The following PEA15 variants were observed in gnomAD, a reference collection of about 807,000 sequenced individuals.
The protein encoded by PEA15 is proliferation and apoptosis adaptor protein 15.
For synonymous variants in PEA15, 60 were observed against 61.8 expected (o/e 0.97, Z 0.13); for missense variants, 77 against 161.3 (o/e 0.48, Z 2.83).
chr1:160,211,214 G>T, intron 1 of PEA15: 1 of 856,314 alleles, frequency 1.2e-6, no homozygotes, highest in African/African-American at 1.8e-5. Context: ...AGAAAGTCGG[G>T]AGCAGGTTGC....
At chr1:160,212,311 A>G in intron 2 of PEA15, among the ~76,000 whole-genome samples, 1 of 152,128 alleles carries the variant, frequency 6.6e-6, no homozygotes, top group South Asian at 2.1e-4. Context: ...ACTGTCACAG[A>G]GTATCTAGTG....
At position 160,205,928 on chromosome 1, in the gene PEA15, C is replaced by T. The variant is rs1654561702; in HGVS notation, c.-3+406C>T. On this transcript the variant is annotated intron_variant, in intron 1 of 3. Coordinates refer to ENST00000360472, the MANE Select transcript of PEA15 (RefSeq NM_003768.5). This position sits in a 1 kb window ranked among gnomAD's most constrained non-coding sequence, Gnocchi z 5.9. ...TCCGCGGGCGGCTGGTACCATGTGC[C>T]CTCACCCCCAGCTCACTGCACCTGG... is the stretch of plus-strand genomic sequence containing the variant. 1 of 152,260 alleles carries T rather than the reference C, an allele frequency of 6.6e-6. No homozygotes were observed. Among genetic ancestry groups the T allele is most frequent in the Admixed American group, 6.5e-5 (1 of 15,292 alleles). The allele number at this position is 152,260 out of a possible 1,614,324, so 9.4% of individuals were successfully genotyped here. A position where few individuals can be genotyped will look rare whatever the true frequency, so the allele number is the denominator to read the frequency against.
Position 160,213,874 on chromosome 1 carries a change from G to A in PEA15, c.*388G>A, listed in dbSNP as rs571386084. 4.1e-6 allele frequency: 1 copy of A among 242,394 alleles called. No homozygotes were observed. Among genetic ancestry groups the A allele is most frequent in the South Asian group, 5.9e-5 (1 of 16,966 alleles). 15.0% of individuals were successfully genotyped at this position (242,394 alleles called of 1,614,324 possible). A position where few individuals can be genotyped will look rare whatever the true frequency, so the allele number is the denominator to read the frequency against. ...TTTCCTACATTGAGGAGCTGACATAGGGGTAAGGTATGGGAGAGGTAGGTG... is the reference window on the plus strand; with the variant it reads ...TTTCCTACATTGAGGAGCTGACATAAGGGTAAGGTATGGGAGAGGTAGGTG... On this transcript the variant is annotated 3_prime_UTR_variant, in exon 4 of 4. Transcript: ENST00000360472. This position sits in a 1 kb window ranked among gnomAD's most constrained non-coding sequence, Gnocchi z 5.3.
chr1:160,212,264 G>C (rs999023566), intron 2 of PEA15, among the ~76,000 whole-genome samples: 2 of 151,972 alleles, frequency 1.3e-5, no homozygotes, highest in East Asian at 3.9e-4. Flanking sequence ...GGATTTCTAA[G>C]GCAAGATCCA....
At chr1:160,209,634 C>T (rs544321991) in intron 1 of PEA15, among the ~76,000 whole-genome samples, 1 of 152,200 alleles carries the variant, frequency 6.6e-6, no homozygotes, top group South Asian at 2.1e-4. Context: ...CCAATCCTGC[C>T]CCCTTTTCCA....
intron 1 of PEA15, 90 bp from the exon 2 acceptor site, chr1:160,211,453 G>C: frequency 7.0e-7 from 1 of 1,428,146 alleles, no homozygotes; most frequent in Non-Finnish European, 9.4e-7. Context: ...TGGTAGGGCA[G>C]AGTGGGGAGT....
Position 160,211,649 on chromosome 1 carries a change from G to C in PEA15, c.105G>C (p.Lys35Asn), listed in dbSNP as rs781623609. Residue 35 changes from lysine to asparagine, a missense_variant, in exon 2 of 4, where the codon AAG becomes AAC. By Grantham distance (94) the Lys-to-Asn change is moderately conservative. Transcript: ENST00000360472. ...GCAAGGAAGACATCCCCAGCGAAAA[G>C]AGTGAGGAGATCACTACTGGCAGTG... ...SACKEDIPSEKSEEITTGSAW... is the reference protein window; with the variant it reads ...SACKEDIPSENSEEITTGSAW... 6.2e-7 allele frequency: 1 copy of C among 1,614,150 alleles called. No individual in the cohort carries two copies. Among genetic ancestry groups the C allele is most frequent in the South Asian group, 1.1e-5 (1 of 91,080 alleles).
In PEA15 at chr1:160,208,244, T is replaced by C. The variant is rs1306216880; in HGVS notation, c.-3+2722T>C. 9 of 287,944 alleles carry C rather than the reference T, an allele frequency of 3.1e-5. No homozygotes were observed. Among genetic ancestry groups the C allele is most frequent in the Non-Finnish European group, 4.8e-5 (7 of 146,286 alleles). 17.8% of individuals were successfully genotyped at this position (287,944 alleles called of 1,614,324 possible). ...TGTCCCACCCTAAAAGGTCAGTATATAATGGTCCTTACCTCCTGCCCCTCT... is the reference window on the plus strand; with the variant it reads ...TGTCCCACCCTAAAAGGTCAGTATACAATGGTCCTTACCTCCTGCCCCTCT... On this transcript the variant is annotated intron_variant, in intron 1 of 3. Transcript: ENST00000360472. This position sits in a 1 kb window ranked among gnomAD's most constrained non-coding sequence, Gnocchi z 4.1.
At chr1:160,212,657 C>T (rs1168308196) in intron 2 of PEA15, among the ~76,000 whole-genome samples, 1 of 151,920 alleles carries the variant, frequency 6.6e-6, no homozygotes, top group African/African-American at 2.4e-5. Context: ...TTTAGAATAA[C>T]CTTTCTCACC....
intron 1 of PEA15, chr1:160,211,333 G>A: frequency 1.6e-6 from 2 of 1,262,954 alleles, no homozygotes; most frequent in Non-Finnish European, 2.0e-6. Flanking sequence ...TGTCACTCTA[G>A]GCTCCAGCCT....
At chr1:160,207,333 A>C (rs1308519361) in intron 1 of PEA15, 1 of 152,454 alleles carries the variant, frequency 6.6e-6, no homozygotes, top group African/African-American at 2.4e-5. Flanking sequence ...ACAAAGAGTG[A>C]GAGAGATGGA....
intron 2 of PEA15, 73 bp downstream of exon 2, chr1:160,211,789 T>C: frequency 6.9e-7 from 1 of 1,441,494 alleles, no homozygotes; most frequent in South Asian, 1.3e-5. Flanking sequence ...AGAGATGAGC[T>C]CAAAGCTTTT....
intron 2 of PEA15, 21 bp downstream of exon 2, chr1:160,211,737 G>A (rs759186952): frequency 6.2e-7 from 1 of 1,606,922 alleles, no homozygotes; most frequent in South Asian, 1.1e-5. Context: ...GGAGCACAGG[G>A]GTCCTGTCAT....
rs1654972880 is a variant in PEA15, at chr1:160,213,651, TTGTCTA to T, written c.*167_*172del. The T allele has an allele frequency of 6.8e-6, 4 of 589,952 alleles. No homozygotes were observed. 36.5% of individuals were successfully genotyped at this position (589,952 alleles called of 1,614,324 possible). On this transcript the variant is annotated 3_prime_UTR_variant, in exon 4 of 4. Coordinates refer to ENST00000360472, the MANE Select transcript of PEA15 (RefSeq NM_003768.5). This position sits in a 1 kb window ranked among gnomAD's most constrained non-coding sequence, Gnocchi z 5.3. ...GTGCGTGTGCGCACGCTCTGGCTGT[TTGTCTA>T]TATGTCTAGCTCATCTAGTTCCTCT...
intron 1 of PEA15, among the ~76,000 whole-genome samples, chr1:160,207,805 A>C (rs1003796861): frequency 3.9e-5 from 6 of 152,124 alleles, no homozygotes; most frequent in Non-Finnish European, 7.3e-5. Flanking sequence ...TAAAATAGGA[A>C]AGCTGGACCC....
chr1:160,209,554 C>T (rs921800205), intron 1 of PEA15, among the ~76,000 whole-genome samples: 1 of 152,128 alleles, frequency 6.6e-6, no homozygotes, highest in East Asian at 1.9e-4. Flanking sequence ...CACAGATGCA[C>T]TCTTTCCTCC....
rs1654718230 is a variant in PEA15 at position 160,208,787 on chromosome 1, C to T, written c.-2-2756C>T. On this transcript the variant is annotated intron_variant, in intron 1 of 3. Transcript: ENST00000360472. The surrounding 1 kb of genome is among the most constrained non-coding windows in gnomAD (Gnocchi z 4.1). The stretch of plus-strand genomic sequence containing the variant: ...CCAAGAAGGGAGGCAACTGGGCTGC[C>T]TTTCCTTGTACCGTCAGGGGGCCTT... The T allele has an allele frequency of 3.7e-6, 3 of 813,730 alleles. No individual in the cohort carries two copies. The highest frequency in any genetic ancestry group is 6.1e-6 in the Non-Finnish European group (3 of 494,646). The allele number at this position is 813,730 out of a possible 1,614,324, so 50.4% of individuals were successfully genotyped here. A position where few individuals can be genotyped will look rare whatever the true frequency, so the allele number is the denominator to read the frequency against.
At chr1:160,211,395 T>TC in intron 1 of PEA15, 148 bp from the exon 2 acceptor site, 4 of 1,316,132 alleles carry the variant, frequency 3.0e-6, no homozygotes, top group Non-Finnish European at 4.0e-6. Context: ...CTTCCTTTTC[T>TC]CCCTCCAGCC....
Position 160,208,425 on chromosome 1 carries a change from C to A in PEA15, c.-3+2903C>A. On this transcript the variant is annotated intron_variant, in intron 1 of 3. Coordinates refer to ENST00000360472, the MANE Select transcript of PEA15 (RefSeq NM_003768.5). The surrounding 1 kb of genome is among the most constrained non-coding windows in gnomAD (Gnocchi z 4.1). ...AGGACTGACTTCCTGGCAGCCGGGG[C>A]TCCGGTTCCTGATTCCTGCCCTGGT... 1 of 598,342 alleles carries A rather than the reference C, an allele frequency of 1.7e-6. No homozygotes were observed. The highest frequency in any genetic ancestry group is 3.0e-6 in the Non-Finnish European group (1 of 337,984). The allele number at this position is 598,342 out of a possible 1,614,324, so 37.1% of individuals were successfully genotyped here.
Sources: allele counts gnomAD v4.1 joint callset (sites outside exome capture counted in the v4.1 genomes callset), GRCh38; gene constraint gnomAD v4.1.1; non-coding constraint Gnocchi (gnomAD v3.1); transcripts MANE v1.5; gene names NCBI Gene and HGNC (gene_info 2026-07-23, HGNC 2026-07-21).